The following PKIG variants were observed in gnomAD, a reference collection of about 807,000 sequenced individuals.
PKIG encodes the protein cAMP-dependent protein kinase inhibitor gamma, also known as protein kinase (cAMP-dependent, catalytic) inhibitor gamma.
In PKIG, 1 loss-of-function variant was observed where a neutral mutation model predicts 6.8. The ratio of observed to expected loss-of-function variants is 0.15; its 90% CI spans 0.05 to 0.69. The LOEUF (loss-of-function observed/expected upper bound fraction) is 0.69. PKIG is among the 30% of genes least tolerant of loss of function. The pLI is 0.82. For synonymous variants in PKIG, 39 were observed against 43.0 expected (o/e 0.91, Z 0.36); for missense variants, 77 against 104.0 (o/e 0.74, Z 1.13).
chr20:44,602,465 C>T (rs187291026), intron 2 of PKIG, among the ~76,000 whole-genome samples: 2 of 152,252 alleles, frequency 1.3e-5, no homozygotes, highest in African/African-American at 2.4e-5. Context: ...CCAGTATATA[C>T]CCTATGCCCG....
At chr20:44,543,307 T>C (rs768742150) in intron 1 of PKIG, among the ~76,000 whole-genome samples, 5 of 152,126 alleles carry the variant, frequency 3.3e-5, no homozygotes, top group East Asian at 1.9e-4. Context: ...TGCACACTTA[T>C]ACAGTAAACT....
In PKIG at chr20:44,537,116, T is replaced by A. The variant is rs539351471; in HGVS notation, c.-241+5138T>A. Among the ~76,000 whole-genome samples, 7 of 151,838 alleles carry A rather than the reference T, an allele frequency of 4.6e-5. No homozygotes were observed. The East Asian group carries it at 5.8e-4, about 13-fold the overall frequency. On this transcript the variant is annotated intron_variant, in intron 1 of 4. Transcript: ENST00000372887. The stretch of plus-strand genomic sequence containing the variant: ...GGCTAATTTTTGTATTATTATTATT[T>A]TTTTTGAGATGGAGTTTCACTCTTA...
At chr20:44,591,027 G>C (rs555963083) in intron 2 of PKIG, among the ~76,000 whole-genome samples, 3 of 152,324 alleles carry the variant, frequency 2.0e-5, no homozygotes, top group African/African-American at 7.2e-5. Flanking sequence ...AGATAACAAA[G>C]CAAAAGTGGC....
At chr20:44,610,839 G>A (rs2065211847) in intron 2 of PKIG, among the ~76,000 whole-genome samples, 1 of 151,622 alleles carries the variant, frequency 6.6e-6, no homozygotes, top group Admixed American at 6.6e-5. Flanking sequence ...ATTGTCCTAT[G>A]TCAGTACAGG....
chr20:44,585,636 A>G (rs2064983592), intron 1 of PKIG, among the ~76,000 whole-genome samples: 1 of 152,198 alleles, frequency 6.6e-6, no homozygotes, highest in African/African-American at 2.4e-5. Flanking sequence ...CCTTTTTCAT[A>G]TCACCTCCCT....
At chr20:44,576,840 T>G (rs939931466) in intron 1 of PKIG, among the ~76,000 whole-genome samples, 1 of 152,282 alleles carries the variant, frequency 6.6e-6, no homozygotes, top group Non-Finnish European at 1.5e-5. Flanking sequence ...CAGTGTGATA[T>G]CCTGCGAACC....
upstream of PKIG, among the ~76,000 whole-genome samples, chr20:44,578,551 C>A (rs1278311638): frequency 1.3e-5 from 2 of 151,468 alleles, no homozygotes; most frequent in Non-Finnish European, 2.9e-5. Flanking sequence ...GGCACTTCTC[C>A]CTCTCACACT....
chr20:44,572,413 C>T (rs1243374559), intron 1 of PKIG, among the ~76,000 whole-genome samples: 4 of 152,132 alleles, frequency 2.6e-5, no homozygotes, highest in Non-Finnish European at 5.9e-5. Flanking sequence ...ATTTCTGATT[C>T]AAGCCTTAAA....
chr20:44,574,203 A>G (rs2064876540), intron 1 of PKIG, among the ~76,000 whole-genome samples: 2 of 152,190 alleles, frequency 1.3e-5, no homozygotes, highest in African/African-American at 4.8e-5. Context: ...AAGATTTGTA[A>G]TAAAAACCAT....
intron 2 of PKIG, among the ~76,000 whole-genome samples, chr20:44,608,792 CCT>C (rs1049985771): frequency 3.9e-5 from 3 of 76,546 alleles, no homozygotes; most frequent in Non-Finnish European, 7.6e-5. Flanking sequence ...ACAGCGAGAC[CCT>C]GTCTCAAAAA....
chr20:44,575,248 G>C (rs1426489019), intron 1 of PKIG, among the ~76,000 whole-genome samples: 1 of 151,946 alleles, frequency 6.6e-6, no homozygotes, highest in Admixed American at 6.6e-5. Flanking sequence ...TGAGACGGAG[G>C]CTGGCCGTCA....
intron 2 of PKIG, among the ~76,000 whole-genome samples, chr20:44,592,089 T>C (rs2065038408): frequency 2.0e-5 from 3 of 152,222 alleles, no homozygotes; most frequent in South Asian, 4.1e-4. Context: ...ATTTAAGCCA[T>C]GTGCCAGATG....
chr20:44,533,918 T>C (rs2064489854), intron 1 of PKIG, among the ~76,000 whole-genome samples: 1 of 152,216 alleles, frequency 6.6e-6, no homozygotes, highest in Non-Finnish European at 1.5e-5. Flanking sequence ...TAAATAAATA[T>C]GGAGGTCGGT....
chr20:44,611,716 T>C (rs929696368), intron 2 of PKIG, among the ~76,000 whole-genome samples: 11 of 150,754 alleles, frequency 7.3e-5, no homozygotes, highest in East Asian at 2.0e-4. Context: ...AGAGGGGGTT[T>C]CACCATGTTG....
chr20:44,563,907 C>A (rs539753252), intron 1 of PKIG, among the ~76,000 whole-genome samples: 1 of 152,298 alleles, frequency 6.6e-6, no homozygotes, highest in South Asian at 2.1e-4. Context: ...AATATAATTT[C>A]CTCTAGCCTG....
chr20:44,548,319 T>C (rs1314517348), intron 1 of PKIG, among the ~76,000 whole-genome samples: 1 of 152,228 alleles, frequency 6.6e-6, no homozygotes, highest in Non-Finnish European at 1.5e-5. Context: ...ACCATGTTTC[T>C]GGAGGTTTTT....
At chr20:44,548,599 A>C (rs2123182454) in intron 1 of PKIG, among the ~76,000 whole-genome samples, 1 of 152,318 alleles carries the variant, frequency 6.6e-6, no homozygotes, top group Non-Finnish European at 1.5e-5. Context: ...TGTGTTGGAC[A>C]AGTTTTGTAG....
At chr20:44,537,904 C>G (rs936846208) in intron 1 of PKIG, among the ~76,000 whole-genome samples, 1 of 151,930 alleles carries the variant, frequency 6.6e-6, no homozygotes, top group Admixed American at 6.6e-5. Flanking sequence ...AATATACTTT[C>G]TGACTTTAGT....
Position 44,614,773 on chromosome 20 carries a change from C to A in PKIG, c.151+66C>A. ...GCCCTCTGCCGGGCCCCGGGCTAGC[C>A]TCCAAGTCCTAGACTGCCCATACTT... On this transcript the variant is annotated intron_variant, in intron 3 of 3. Transcript: ENST00000372886. The surrounding 1 kb of genome is among the most constrained non-coding windows in gnomAD (Gnocchi z 4.6). 1 of 1,544,136 alleles carries A rather than the reference C, an allele frequency of 6.5e-7. No homozygotes were observed. Among genetic ancestry groups the A allele is most frequent in the Non-Finnish European group, 8.9e-7 (1 of 1,127,454 alleles).
Sources: allele counts gnomAD v4.1 joint callset (sites outside exome capture counted in the v4.1 genomes callset), GRCh38; gene constraint gnomAD v4.1.1; non-coding constraint Gnocchi (gnomAD v3.1); transcripts MANE v1.5; gene names NCBI Gene and HGNC (gene_info 2026-07-23, HGNC 2026-07-21).